Variants in CREBRF observed in about 807,000 individuals in gnomAD.
The protein encoded by CREBRF is UPF0474 protein C5orf41.
Under a neutral mutation model 66.1 loss-of-function variants are expected in CREBRF, and 5 were observed. That is an observed-to-expected ratio of 0.08 (90% CI 0.04 to 0.16). The LOEUF is 0.16. Ranked by LOEUF, CREBRF falls within the 10% of genes least tolerant of loss-of-function variation. The pLI, the probability that CREBRF is intolerant of heterozygous loss-of-function variation, is 1.00. For synonymous variants in CREBRF, 229 were observed against 264.4 expected, an observed-to-expected ratio of 0.87 and a Z score of 1.30; for missense variants, 531 against 744.9, an observed-to-expected ratio of 0.71 and a Z score of 3.34.
intron 1 of CREBRF, among the ~76,000 whole-genome samples, chr5:173,058,378 A>G (rs1319819242): frequency 1.3e-5 from 2 of 152,208 alleles, no homozygotes; most frequent in East Asian, 1.9e-4. Context: ...CATGCCTTAG[A>G]TAGATCATGC....
chr5:173,126,914 C>T (rs1418604774), intron 8 of CREBRF, among the ~76,000 whole-genome samples: 3 of 152,076 alleles, frequency 2.0e-5, no homozygotes, highest in African/African-American at 7.2e-5. Flanking sequence ...TGGCTGAGCA[C>T]AGTGGCTCAT....
At chr5:173,063,808 G>A (rs1209719574) in intron 1 of CREBRF, among the ~76,000 whole-genome samples, 2 of 151,370 alleles carry the variant, frequency 1.3e-5, no homozygotes, top group Non-Finnish European at 2.9e-5. Flanking sequence ...TGCGACCTTC[G>A]CATCCTGGGT....
At chr5:173,068,895 C>T (rs1757515065) in intron 1 of CREBRF, among the ~76,000 whole-genome samples, 1 of 151,602 alleles carries the variant, frequency 6.6e-6, no homozygotes, top group South Asian at 2.1e-4. Context: ...ATGGTGAAAC[C>T]CCATCAGTAC....
intron 2 of CREBRF, among the ~76,000 whole-genome samples, chr5:173,083,196 G>A (rs560513876): frequency 1.3e-5 from 2 of 151,862 alleles, no homozygotes; most frequent in Non-Finnish European, 2.9e-5. Flanking sequence ...CCAACAGAGC[G>A]AGACTCTGTC....
intron 8 of CREBRF, among the ~76,000 whole-genome samples, chr5:173,127,162 C>CTTTTTT (rs70984944): frequency 5.2e-4 from 60 of 114,704 alleles, no homozygotes; most frequent in East Asian, 2.1e-3. Flanking sequence ...GTTTCTTTTT[C>CTTTTTT]TTTTTTTTTT....
rs1196208617 is a variant in CREBRF at position 173,086,559 on chromosome 5, C to T, written c.68C>T (p.Ser23Leu). ...FGDAFRSHTF[S>L]EQTLMSTDLL... ...GATGCCTTTCGAAGCCACACCTTTTCGGAACAAACTCTGATGAGCACAGAT... is the reference window on the plus strand; with the variant it reads ...GATGCCTTTCGAAGCCACACCTTTTTGGAACAAACTCTGATGAGCACAGAT... Residue 23 changes from serine to leucine, a missense_variant, in exon 3 of 9, where the codon TCG becomes TTG. This residue lies in a region of CREBRF where 133 missense variants were observed against 215.6 expected (regional missense o/e 0.62). Coordinates refer to ENST00000296953, the MANE Select transcript of CREBRF (RefSeq NM_153607.3). 6.2e-6 allele frequency: 10 copies of T among 1,613,860 alleles called. No homozygotes were observed. The highest frequency in any genetic ancestry group is 2.7e-5 in the African/African-American group (2 of 74,902).
chr5:173,135,474 A>T lies in CREBRF; in HGVS notation c.*1729A>T, dbSNP rs561527300. On this transcript the variant is annotated 3_prime_UTR_variant, in exon 9 of 9. Coordinates refer to ENST00000296953, the MANE Select transcript of CREBRF (RefSeq NM_153607.3). The stretch of plus-strand genomic sequence containing the variant: ...CTGTCTCTCTTACTGTTTTATTCTC[A>T]AATCTTGTGCTTTGAACTCTGAAAA... 3.4e-4 allele frequency: 52 copies of T among 152,546 alleles called. No individual in the cohort carries two copies. The highest frequency in any genetic ancestry group is 1.2e-3 in the African/African-American group (50 of 41,536). The allele number at this position is 152,546 out of a possible 1,614,324, so 9.4% of individuals were successfully genotyped here. A position where few individuals can be genotyped will look rare whatever the true frequency, so the allele number is the denominator to read the frequency against.
intron 1 of CREBRF, among the ~76,000 whole-genome samples, chr5:173,064,177 T>A (rs886884835): frequency 1.6e-4 from 25 of 152,350 alleles, no homozygotes; most frequent in Middle Eastern, 3.4e-3. Flanking sequence ...CAGTTTCTTT[T>A]TTGGCTGCTG....
At position 173,136,248 on chromosome 5, in the gene CREBRF, T is replaced by C. The variant is rs1047820352; in HGVS notation, c.*2503T>C. On this transcript the variant is annotated 3_prime_UTR_variant, in exon 9 of 9. Transcript: ENST00000296953. The stretch of plus-strand genomic sequence containing the variant: ...ATTTCAAAAAAAAAAAGACTTTGAA[T>C]CTGTTTAGTAGATTCCATATCTTTG... 11 of 152,534 alleles carry C rather than the reference T, an allele frequency of 7.2e-5. No homozygotes were observed. Among genetic ancestry groups the C allele is most frequent in the African/African-American group, 2.6e-4 (11 of 41,534 alleles). 9.4% of individuals were successfully genotyped at this position (152,534 alleles called of 1,614,324 possible).
chr5:173,116,995 C>A (rs1759005266), intron 7 of CREBRF, among the ~76,000 whole-genome samples: 1 of 152,092 alleles, frequency 6.6e-6, no homozygotes, highest in African/African-American at 2.4e-5. Context: ...AGCCTCTTTC[C>A]TGTGCTTATT....
At chr5:173,112,526 GCTC>G in intron 7 of CREBRF, 147 bp downstream of exon 7, 1 of 521,530 alleles carries the variant, frequency 1.9e-6, no homozygotes, top group Non-Finnish European at 3.4e-6. Flanking sequence ...TAAGCCACAT[GCTC>G]ACTTTCCTTC....
chr5:173,067,790 G>A (rs1757479063), intron 1 of CREBRF, among the ~76,000 whole-genome samples: 1 of 152,072 alleles, frequency 6.6e-6, no homozygotes, highest in African/African-American at 2.4e-5. Context: ...GAAGAGGTCA[G>A]GAGATCGAGA....
At chr5:173,075,618 T>C (rs933837991) in intron 1 of CREBRF, among the ~76,000 whole-genome samples, 9 of 152,194 alleles carry the variant, frequency 5.9e-5, no homozygotes, top group African/African-American at 2.2e-4. Flanking sequence ...TTGGGCCATC[T>C]GATAAGTTGT....
In CREBRF at chr5:173,080,500, T is replaced by C; in HGVS notation, c.-191-85T>C. ...TAAAGTACAGTATTCTCTGCTAATA[T>C]TATTTTTCAAAAGTCAACTTTTTTT... On this transcript the variant is annotated intron_variant, in intron 1 of 8. Transcript: ENST00000296953. The C allele has an allele frequency of 3.9e-6, 2 of 508,210 alleles. 1 individual carries two copies. Among genetic ancestry groups the C allele is most frequent in the South Asian group, 5.4e-5 (2 of 36,976 alleles). 31.5% of individuals were successfully genotyped at this position (508,210 alleles called of 1,614,324 possible).
chr5:173,090,858 T>G lies in CREBRF; in HGVS notation c.679T>G (p.Phe227Val), dbSNP rs369531064. ...CATGTATCATAATGAAAAGGTGAAC[T>G]TTCATGTTGAATGTAAAGACTATGT... is the stretch of plus-strand genomic sequence containing the variant. ...TNMYHNEKVNFHVECKDYVKK... is the reference protein window; with the variant it reads ...TNMYHNEKVNVHVECKDYVKK... Residue 227 changes from phenylalanine to valine, a missense_variant, in exon 4 of 9, where the codon TTT becomes GTT. This residue lies in a region of CREBRF where 309 missense variants were observed against 341.4 expected (regional missense o/e 0.90). Coordinates refer to ENST00000296953, the MANE Select transcript of CREBRF (RefSeq NM_153607.3). The surrounding 1 kb of genome is among the most constrained non-coding windows in gnomAD (Gnocchi z 4.5). 3.0e-4 allele frequency: 491 copies of G among 1,614,148 alleles called. 9 individuals carry two copies. The South Asian group carries it at 5.0e-3, about 17-fold the overall frequency.
At chr5:173,100,581 G>A (rs1217403162) in intron 4 of CREBRF, among the ~76,000 whole-genome samples, 4 of 151,480 alleles carry the variant, frequency 2.6e-5, no homozygotes, top group South Asian at 2.1e-4. Context: ...CCACCACCAC[G>A]CCCTGCTAAT....
At chr5:173,100,118 G>GTGTATATGTGTGTGTGTA (rs70984939) in intron 4 of CREBRF, among the ~76,000 whole-genome samples, 1 of 88,332 alleles carries the variant, frequency 1.1e-5, no homozygotes, top group Non-Finnish European at 2.1e-5. Flanking sequence ...GTGTGTGTGT[G>GTGTATATGTGTGTGTGTA]TATATATATA....
chr5:173,070,181 A>G lies in CREBRF; in HGVS notation c.-191-10404A>G, dbSNP rs150674841. On this transcript the variant is annotated intron_variant, in intron 1 of 8. Coordinates refer to ENST00000296953, the MANE Select transcript of CREBRF (RefSeq NM_153607.3). ...GTGCTGGGATTATAGGCAGTGAACC[A>G]CTGTACCTTGCCCCTACAGTAAATT... 1.7e-3 allele frequency among the ~76,000 whole-genome samples: 261 copies of G among 152,188 alleles called. 1 individual carries two copies. The highest frequency in any genetic ancestry group is 5.8e-3 in the African/African-American group (243 of 41,564).
rs185214349 is a variant in CREBRF, at chr5:173,098,131, G to T, written c.1222+6730G>T. Among the ~76,000 whole-genome samples the T allele has an allele frequency of 9.4e-4, 140 of 149,410 alleles. 1 individual carries two copies. Among genetic ancestry groups the T allele is most frequent in the Non-Finnish European group, 4.2e-4 (28 of 67,400 alleles). ...CTCTTTTGATTTCTTTGACCCATTG[G>T]TTGTTCAGGAGTTTGTTGTTTAATT... On this transcript the variant is annotated intron_variant, in intron 4 of 8. Transcript: ENST00000296953.
Sources: allele counts gnomAD v4.1 joint callset (sites outside exome capture counted in the v4.1 genomes callset), GRCh38; gene constraint gnomAD v4.1.1; regional missense constraint gnomAD v4.1.1; non-coding constraint Gnocchi (gnomAD v3.1); transcripts MANE v1.5; gene names NCBI Gene and HGNC (gene_info 2026-07-23, HGNC 2026-07-21).